Variants in FBRS observed in about 807,000 individuals in gnomAD.
FBRS encodes probable fibrosin-1.
FBRS carries 15 observed loss-of-function variants against 86.1 expected under a neutral mutation model. The ratio of observed to expected loss-of-function variants is 0.17; its 90% CI spans 0.12 to 0.27. FBRS has a LOEUF of 0.27. FBRS is among the 10% of genes least tolerant of loss of function. The pLI is 1.00. For missense variants in FBRS, 1,367 were observed against 1,301.6 expected, an observed-to-expected ratio of 1.05 and a Z score of -0.77; for synonymous variants, 666 against 575.8, an observed-to-expected ratio of 1.16 and a Z score of -2.24.
Position 30,668,999 on chromosome 16 carries a change from T to G in FBRS, c.2366+20T>G. ...GGACAGGTGTGCCTCCCACCCACCC[T>G]GCCCCTGCCCCACCCTCAGCCCCTG... On this transcript the variant is annotated intron_variant, in intron 17 of 17. Coordinates refer to ENST00000356166, the MANE Select transcript of FBRS (RefSeq NM_001105079.3). 9.4e-6 allele frequency: 3 copies of G among 319,194 alleles called. No homozygotes were observed. The highest frequency in any genetic ancestry group is 1.4e-4 in the East Asian group (1 of 7,040). The allele number at this position is 319,194 out of a possible 1,614,324, so 19.8% of individuals were successfully genotyped here.
chr16:30,662,825 C>G lies in FBRS; in HGVS notation c.1021C>G (p.Pro341Ala). The G allele has an allele frequency of 6.8e-7, 1 of 1,464,744 alleles. No homozygotes were observed. Among genetic ancestry groups the G allele is most frequent in the South Asian group, 1.4e-5 (1 of 70,878 alleles). The allele number at this position is 1,464,744 out of a possible 1,614,324, so 90.7% of individuals were successfully genotyped here. A position where few individuals can be genotyped will look rare whatever the true frequency, so the allele number is the denominator to read the frequency against. Residue 341 changes from proline to alanine, a missense_variant, in exon 6 of 18, where the codon CCA becomes GCA. By Grantham distance (27) the Pro-to-Ala change is conservative (BLOSUM62 -1). Transcript: ENST00000356166. The stretch of plus-strand genomic sequence containing the variant: ...CTCACCCTTCGGCCTCCGCACTTCT[C>G]CATATGGCAGCAGCCTGGACCTCAG... Reference protein sequence around the residue: ...RVSPFGLRTSPYGSSLDLSTG... With the variant: ...RVSPFGLRTSAYGSSLDLSTG...
intron 14 of FBRS, 33 bp downstream of exon 14, chr16:30,667,470 T>TCCCTGTCTATAGCCTGAGGCC (rs2052537344): frequency 6.6e-7 from 1 of 1,519,616 alleles, no homozygotes; most frequent in African/African-American, 1.4e-5. Flanking sequence ...GGCCTGAGGT[T>TCCCTGTCTATAGCCTGAGGCC]CCCTGTCTAT....
At position 30,670,350 on chromosome 16, in the gene FBRS, G is replaced by A. The variant is rs2052582363; in HGVS notation, c.*705G>A. 2.7e-6 allele frequency: 1 copy of A among 367,564 alleles called. No homozygotes were observed. The highest frequency in any genetic ancestry group is 2.1e-5 in the African/African-American group (1 of 46,714). The allele number at this position is 367,564 out of a possible 1,614,324, so 22.8% of individuals were successfully genotyped here. On this transcript the variant is annotated 3_prime_UTR_variant, in exon 18 of 18. Coordinates refer to ENST00000356166, the MANE Select transcript of FBRS (RefSeq NM_001105079.3). ...ACCTGGGCTGGAGGGAAGGGCAGAA[G>A]CTTCCTACTTGGCTGACAGCCCCGG...
At chr16:30,662,252 C>T (rs1033123276) in intron 4 of FBRS, 168 bp from the exon 5 acceptor site, 2 of 1,058,722 alleles carry the variant, frequency 1.9e-6, no homozygotes, top group Non-Finnish European at 2.7e-6. Flanking sequence ...TGCTTTTTCT[C>T]CAAGCTCAGC....
In FBRS at chr16:30,665,095, C is replaced by T. The variant is rs74015027; in HGVS notation, c.1608+16C>T. ...CCGACATAATGTGAGTGTGTGTGTG[C>T]GTGTGCGTATGGGGTGTGTGGTGTG... is the stretch of plus-strand genomic sequence containing the variant. On this transcript the variant is annotated intron_variant, in intron 9 of 17. Coordinates refer to ENST00000356166, the MANE Select transcript of FBRS (RefSeq NM_001105079.3). The surrounding 1 kb of genome is among the most constrained non-coding windows in gnomAD (Gnocchi z 4.1). 921 of 1,608,076 alleles carry T rather than the reference C, an allele frequency of 5.7e-4. 4 individuals carry two copies. The African/African-American group carries it at 0.011, about 19-fold the overall frequency.
chr16:30,669,805 A>C lies in FBRS; in HGVS notation c.*160A>C. Reference sequence around the variant, plus strand: ...GAACAGAAGCCTCAACCCCCACAAGACCAAGCATCACATGGAGTGTAGGGT... The same window carrying C: ...GAACAGAAGCCTCAACCCCCACAAGCCCAAGCATCACATGGAGTGTAGGGT... On this transcript the variant is annotated 3_prime_UTR_variant, in exon 18 of 18. Coordinates refer to ENST00000356166, the MANE Select transcript of FBRS (RefSeq NM_001105079.3). This position sits in a 1 kb window ranked among gnomAD's most constrained non-coding sequence, Gnocchi z 5.9. 1 of 895,202 alleles carries C rather than the reference A, an allele frequency of 1.1e-6. No individual in the cohort carries two copies. Among genetic ancestry groups the C allele is most frequent in the East Asian group, 2.7e-5 (1 of 37,622 alleles). The allele number at this position is 895,202 out of a possible 1,614,324, so 55.5% of individuals were successfully genotyped here.
chr16:30,660,329 AG>A lies in FBRS; in HGVS notation c.533del (p.Gly178AlafsTer113). The A allele has an allele frequency of 6.1e-6, 8 of 1,301,164 alleles. No individual in the cohort carries two copies. The South Asian group carries it at 7.4e-5, about 12-fold the overall frequency. The allele number at this position is 1,301,164 out of a possible 1,614,324, so 80.6% of individuals were successfully genotyped here. On this transcript the variant is annotated frameshift_variant, in exon 2 of 18. Transcript: ENST00000356166. LOFTEE classifies it high-confidence loss of function. ...HRLKHSGKRK[R>X]GGSSGATGEP... ...GCTGAAGCATTCTGGGAAGCGGAAA[AG>A]GGGGGGCTCCAGTGGGGCCACCGGG...
In FBRS at chr16:30,665,291, C is replaced by T. The variant is rs1270251410; in HGVS notation, c.1609-15C>T. 2.6e-6 allele frequency: 4 copies of T among 1,556,778 alleles called. No individual in the cohort carries two copies. The highest frequency in any genetic ancestry group is 3.5e-6 in the Non-Finnish European group (4 of 1,150,534). ...CCTCCACCCCCACCTGTACTAGTCCCCCTTCTCTCCACAGCCGTACACGGC... is the reference window on the plus strand; with the variant it reads ...CCTCCACCCCCACCTGTACTAGTCCTCCTTCTCTCCACAGCCGTACACGGC... On this transcript the variant is annotated splice_polypyrimidine_tract_variant and intron_variant, in intron 9 of 17. Transcript: ENST00000356166. This position sits in a 1 kb window ranked among gnomAD's most constrained non-coding sequence, Gnocchi z 4.1.
At chr16:30,660,047 G>A in intron 1 of FBRS, 70 bp downstream of exon 1, 1 of 1,507,802 alleles carries the variant, frequency 6.6e-7, no homozygotes, top group Non-Finnish European at 8.9e-7. Flanking sequence ...AGTGCCCCTA[G>A]TGGGTGGAGT....
At position 30,658,536 on chromosome 16, in the gene FBRS, T is replaced by A. The variant is rs1345640565; in HGVS notation, c.-983T>A. 1 of 152,492 alleles carries A rather than the reference T, an allele frequency of 6.6e-6. No individual in the cohort carries two copies. Among genetic ancestry groups the A allele is most frequent in the African/African-American group, 2.4e-5 (1 of 41,466 alleles). 9.4% of individuals were successfully genotyped at this position (152,492 alleles called of 1,614,324 possible). ...CAAAGGAGACAACAGGAGTTTGTGCTGGAGCTCCCCCGCTGCCCATCGGCC... is the reference window on the plus strand; with the variant it reads ...CAAAGGAGACAACAGGAGTTTGTGCAGGAGCTCCCCCGCTGCCCATCGGCC... On this transcript the variant is annotated 5_prime_UTR_variant, in exon 1 of 18. Transcript: ENST00000356166.
chr16:30,662,704 T>TCCA lies in FBRS; in HGVS notation c.903_905dup (p.Pro302dup). The TCCA allele has an allele frequency of 1.3e-6, 2 of 1,548,372 alleles. No individual in the cohort carries two copies. Among genetic ancestry groups the TCCA allele is most frequent in the Non-Finnish European group, 1.7e-6 (2 of 1,145,624 alleles). The stretch of plus-strand genomic sequence containing the variant: ...CTTTCCCCCCAAAGGAACCACCGCC[T>TCCA]CCACCGGTCCCTCGGCCTCCTGTCT... On this transcript the variant is annotated inframe_insertion, in exon 6 of 18. Coordinates refer to ENST00000356166, the MANE Select transcript of FBRS (RefSeq NM_001105079.3).
chr16:30,660,329 A>G lies in FBRS; in HGVS notation c.526A>G (p.Arg176Gly), dbSNP rs896393486. The G allele has an allele frequency of 3.1e-6, 4 of 1,301,182 alleles. No homozygotes were observed. Among genetic ancestry groups the G allele is most frequent in the Middle Eastern group, 4.0e-4 (2 of 4,976 alleles). 80.6% of individuals were successfully genotyped at this position (1,301,182 alleles called of 1,614,324 possible). A position where few individuals can be genotyped will look rare whatever the true frequency, so the allele number is the denominator to read the frequency against. ...HRLKHSGKRK[R>G]GGSSGATGEP... ...GCTGAAGCATTCTGGGAAGCGGAAA[A>G]GGGGGGGCTCCAGTGGGGCCACCGG... is the stretch of plus-strand genomic sequence containing the variant. Residue 176 changes from arginine to glycine, a missense_variant, in exon 2 of 18, where the codon AGG becomes GGG. Physicochemically the swap from Arg to Gly is moderately radical, Grantham distance 125. Around this residue, in one of 3 missense-constraint regions of FBRS, gnomAD observed 702 missense variants for 598.7 expected, o/e 1.17. Coordinates refer to ENST00000356166, the MANE Select transcript of FBRS (RefSeq NM_001105079.3).
Position 30,665,317 on chromosome 16 carries a change from C to A in FBRS, c.1620C>A (p.Ala540=). The change falls in exon 10 of 18, where the codon GCC becomes GCA. Residue 540 remains alanine, a synonymous_variant. Transcript: ENST00000356166. The surrounding 1 kb of genome is among the most constrained non-coding windows in gnomAD (Gnocchi z 4.1). The stretch of plus-strand genomic sequence containing the variant: ...CCTTCTCTCCACAGCCGTACACGGC[C>A]TTCCCTCCCGCAGTGCCCGGGCTGC... ...EGLFRHNPYT[A]FPPAVPGLPP... is the part of the protein sequence containing the mutation. The A allele has an allele frequency of 6.4e-7, 1 of 1,563,118 alleles. No individual in the cohort carries two copies. The highest frequency in any genetic ancestry group is 1.4e-5 in the African/African-American group (1 of 73,642).
In FBRS at chr16:30,665,012, T is replaced by C. The variant is rs745536879; in HGVS notation, c.1564-23T>C. On this transcript the variant is annotated intron_variant, in intron 8 of 17. Transcript: ENST00000356166. The surrounding 1 kb of genome is among the most constrained non-coding windows in gnomAD (Gnocchi z 4.1). Reference sequence around the variant, plus strand: ...AGGCCCGGGTCCCTGGCTGGCAGCTTACTCTTCCCTTCTCTTCCCTAGTTT... The same window carrying C: ...AGGCCCGGGTCCCTGGCTGGCAGCTCACTCTTCCCTTCTCTTCCCTAGTTT... The C allele has an allele frequency of 1.9e-6, 3 of 1,612,860 alleles. No individual in the cohort carries two copies. The highest frequency in any genetic ancestry group is 2.5e-6 in the Non-Finnish European group (3 of 1,179,340).
At position 30,668,950 on chromosome 16, in the gene FBRS, G is replaced by T; in HGVS notation, c.2337G>T (p.Glu779Asp). The T allele has an allele frequency of 6.3e-7, 1 of 1,586,548 alleles. No homozygotes were observed. Among genetic ancestry groups the T allele is most frequent in the Non-Finnish European group, 8.6e-7 (1 of 1,168,978 alleles). ...SDKERPVERR[E>D]PSITKEEKDR... Reference sequence around the variant, plus strand: ...AGGAGCGGCCTGTGGAGCGGAGGGAGCCCTCCATCACCAAGGAGGAGAAGG... The same window carrying T: ...AGGAGCGGCCTGTGGAGCGGAGGGATCCCTCCATCACCAAGGAGGAGAAGG... Residue 779 changes from glutamate (E) to aspartate (D), a missense_variant, in exon 17 of 18, where the codon GAG (glutamate) becomes GAT (aspartate). Transcript: ENST00000356166.
At position 30,668,770 on chromosome 16, in the gene FBRS, A is replaced by G; in HGVS notation, c.2159-2A>G. On this transcript the variant is annotated splice_acceptor_variant, in intron 16 of 17. Transcript: ENST00000356166. LOFTEE classifies it high-confidence loss of function. The stretch of plus-strand genomic sequence containing the variant: ...TCACTCTCTGCTTCACCCTCTGCCC[A>G]GACTCCGGCGCCGTCTTTGCCCAGA... 1 of 1,599,678 alleles carries G rather than the reference A, an allele frequency of 6.3e-7. No homozygotes were observed. Among genetic ancestry groups the G allele is most frequent in the Non-Finnish European group, 8.5e-7 (1 of 1,177,396 alleles).
Position 30,662,422 on chromosome 16 carries a change from C to T in FBRS, c.708C>T (p.Val236=). The T allele has an allele frequency of 6.4e-7, 1 of 1,550,628 alleles. No individual in the cohort carries two copies. Among genetic ancestry groups the T allele is most frequent in the South Asian group, 1.2e-5 (1 of 84,052 alleles). The change falls in exon 5 of 18, where the codon GTC becomes GTT. Residue 236 remains valine, a splice_region_variant and synonymous_variant. Coordinates refer to ENST00000356166, the MANE Select transcript of FBRS (RefSeq NM_001105079.3). Reference sequence around the variant, plus strand: ...TATCCCTTGCCCTTCTTCCCCAGGTCTCCGATGATGACCTCGACCCATCCT... The same window carrying T: ...TATCCCTTGCCCTTCTTCCCCAGGTTTCCGATGATGACCTCGACCCATCCT... The part of the protein sequence containing the change: ...CDAESDLDER[V]SDDDLDPSFT...
intron 15 of FBRS, 188 bp downstream of exon 15, chr16:30,667,810 G>T: frequency 4.0e-6 from 2 of 506,278 alleles, no homozygotes; most frequent in South Asian, 3.8e-5. Flanking sequence ...GGAAGGGCAG[G>T]GTGACTTCAG....
chr16:30,669,123 C>G lies in FBRS; in HGVS notation c.2421C>G (p.Ala807=), dbSNP rs2151273496. Residue 807 remains alanine (A), a synonymous_variant, in exon 18 of 18, where the codon GCC becomes GCG. Coordinates refer to ENST00000356166, the MANE Select transcript of FBRS (RefSeq NM_001105079.3). This position sits in a 1 kb window ranked among gnomAD's most constrained non-coding sequence, Gnocchi z 5.9. The part of the protein sequence containing the change: ...QLRVSPATPK[A]RAGEEGPRPT... ...GAGTTTCTCCTGCTACTCCCAAGGC[C>G]CGGGCTGGTGAGGAGGGGCCTCGGC... The G allele has an allele frequency of 6.3e-7, 1 of 1,587,866 alleles. No individual in the cohort carries two copies. The highest frequency in any genetic ancestry group is 1.2e-5 in the South Asian group (1 of 86,784).
Sources: allele counts gnomAD v4.1 joint callset, GRCh38; gene constraint gnomAD v4.1.1; regional missense constraint gnomAD v4.1.1; non-coding constraint Gnocchi (gnomAD v3.1); transcripts MANE v1.5; gene names NCBI Gene and HGNC (gene_info 2026-07-23, HGNC 2026-07-21).